Variants in HIPK1 observed in about 807,000 individuals in gnomAD.
HIPK1 encodes the protein homeodomain interacting protein kinase 1.
A neutral mutation model predicts 117.1 loss-of-function variants in HIPK1; 28 were observed. That is an observed-to-expected ratio of 0.24 (90% CI 0.18 to 0.33). The LOEUF (loss-of-function observed/expected upper bound fraction) is 0.33. Among genes scored for constraint, HIPK1 ranks in the 10% least tolerant of loss-of-function variants. The pLI is 1.00. For missense variants in HIPK1, 1,122 were observed against 1,475.1 expected (o/e 0.76, Z 3.92); for synonymous variants, 605 against 562.5 (o/e 1.08, Z -1.07).
intron 5 of HIPK1, among the ~76,000 whole-genome samples, chr1:113,956,136 G>A (rs528854518): frequency 2.7e-4 from 38 of 141,200 alleles, no homozygotes; most frequent in African/African-American, 8.5e-4. Flanking sequence ...GTGCAGTGGC[G>A]TAATCTCAGC....
At chr1:113,947,437 A>T (rs773501288) in intron 2 of HIPK1, among the ~76,000 whole-genome samples, 2 of 152,188 alleles carry the variant, frequency 1.3e-5, no homozygotes, top group Admixed American at 1.3e-4. Context: ...CAAATAATCT[A>T]ATTTCCTCTG....
rs1309895923 is a variant in HIPK1 at position 113,977,615 on chromosome 1, GAAAT to G, written c.*4105_*4108del. 5.2e-5 allele frequency: 8 copies of G among 152,566 alleles called. No homozygotes were observed. Among genetic ancestry groups the G allele is most frequent in the African/African-American group, 1.9e-4 (8 of 41,426 alleles). The allele number at this position is 152,566 out of a possible 1,614,324, so 9.5% of individuals were successfully genotyped here. A position where few individuals can be genotyped will look rare whatever the true frequency, so the allele number is the denominator to read the frequency against. Reference sequence around the variant, plus strand: ...ATGTAAAATAATCATTTTAACAAAAGAAATAGATATTTAAAATTTAATACTAACT... The same window carrying G: ...ATGTAAAATAATCATTTTAACAAAAGAGATATTTAAAATTTAATACTAACT... On this transcript the variant is annotated 3_prime_UTR_variant, in exon 16 of 16. Transcript: ENST00000426820.
chr1:113,929,375 C>A lies in HIPK1; in HGVS notation c.-160C>A, dbSNP rs1055592899. 2.3e-6 allele frequency: 3 copies of A among 1,289,394 alleles called. No homozygotes were observed. In the African/African-American group the frequency reaches 4.6e-5, roughly 20 times the overall value. 79.9% of individuals were successfully genotyped at this position (1,289,394 alleles called of 1,614,324 possible). On this transcript the variant is annotated 5_prime_UTR_variant, in exon 1 of 16. Transcript: ENST00000426820. ...ACCGCCAGGCACCTTTAAATCACCG[C>A]AGAGTCTGCAGTGCGGAGGGGGCGG...
chr1:113,972,253 G>A (rs563695067), intron 15 of HIPK1, among the ~76,000 whole-genome samples: 1 of 152,254 alleles, frequency 6.6e-6, no homozygotes, highest in Non-Finnish European at 1.5e-5. Context: ...GTCTGTGATA[G>A]GCATATGCTT....
intron 14 of HIPK1, among the ~76,000 whole-genome samples, chr1:113,970,626 C>T (rs759324720): frequency 6.6e-6 from 1 of 152,176 alleles, no homozygotes; most frequent in Non-Finnish European, 1.5e-5. Flanking sequence ...CACCCAGTGT[C>T]ATAGCAGTGA....
chr1:113,941,344 A>G lies in HIPK1; in HGVS notation c.961A>G (p.Ile321Val). ...LIHADLKPEN[I>V]MLVDPVRQPY... is the part of the protein sequence containing the mutation. ...CCACGCTGACCTTAAGCCTGAAAAC[A>G]TCATGCTGGTTGATCCAGTTCGCCA... is the stretch of plus-strand genomic sequence containing the variant. Residue 321 changes from isoleucine to valine, a missense_variant, in exon 2 of 16, where the codon ATC (isoleucine) becomes GTC (valine). Ile to Val is a conservative substitution (Grantham distance 29). Transcript: ENST00000426820. The surrounding 1 kb of genome is among the most constrained non-coding windows in gnomAD (Gnocchi z 4.9). The G allele has an allele frequency of 1.2e-6, 2 of 1,614,212 alleles. No individual in the cohort carries two copies. The highest frequency in any genetic ancestry group is 1.7e-6 in the Non-Finnish European group (2 of 1,180,034).
At chr1:113,951,936 T>G in intron 2 of HIPK1, among the ~76,000 whole-genome samples, 1 of 147,348 alleles carries the variant, frequency 6.8e-6, no homozygotes, top group Non-Finnish European at 1.5e-5. Flanking sequence ...GGTTATTTAT[T>G]GACCAGGGCT....
At chr1:113,955,959 T>C (rs961901183) in intron 5 of HIPK1, among the ~76,000 whole-genome samples, 3 of 152,134 alleles carry the variant, frequency 2.0e-5, no homozygotes, top group African/African-American at 4.8e-5. Flanking sequence ...TGAGCGCCTA[T>C]TATGTTACGA....
At chr1:113,968,044 T>G in intron 12 of HIPK1, 96 bp downstream of exon 12, 1 of 1,132,714 alleles carries the variant, frequency 8.8e-7, no homozygotes, top group Non-Finnish European at 1.3e-6. Flanking sequence ...AATATAGATA[T>G]GAAGCAGCAA....
At chr1:113,935,676 C>T (rs1422244616) in intron 1 of HIPK1, among the ~76,000 whole-genome samples, 1 of 152,176 alleles carries the variant, frequency 6.6e-6, no homozygotes, top group Non-Finnish European at 1.5e-5. Flanking sequence ...CACAACCTTG[C>T]CAGCATCTGT....
At chr1:113,955,086 A>G (rs1048643161) in intron 4 of HIPK1, among the ~76,000 whole-genome samples, 9 of 152,252 alleles carry the variant, frequency 5.9e-5, no homozygotes, top group African/African-American at 1.2e-4. Flanking sequence ...AGAATTCTCA[A>G]TGAACATGAT....
chr1:113,969,998 T>C lies in HIPK1; in HGVS notation c.2814T>C (p.Thr938=), dbSNP rs1373129572. Reference sequence around the variant, plus strand: ...GGTCTAATGTCATCAGTTATGTCACTGTCAATGATTCTCCAGACTCTGACT... The same window carrying C: ...GGTCTAATGTCATCAGTTATGTCACCGTCAATGATTCTCCAGACTCTGACT... The part of the protein sequence containing the change: ...KPRSNVISYV[T]VNDSPDSDSS... The change falls in exon 14 of 16, where the codon ACT becomes ACC. Residue 938 remains threonine, a synonymous_variant. Transcript: ENST00000426820. 2 of 1,614,152 alleles carry C rather than the reference T, an allele frequency of 1.2e-6. No individual in the cohort carries two copies. The highest frequency in any genetic ancestry group is 1.1e-5 in the South Asian group (1 of 91,090).
chr1:113,970,317 A>T (rs3811018), intron 14 of HIPK1, 120 bp downstream of exon 14: 709,190 of 1,002,546 alleles, frequency 0.71, 255,002 homozygotes, highest in African/African-American at 0.92. Context: ...TCTTAAAGAG[A>T]CCTTAATTCA....
rs765774107 is a variant in HIPK1, at chr1:113,940,427, C to T, written c.44C>T (p.Ser15Leu). Reference sequence around the variant, plus strand: ...GTGTTTTCGCCCCCATCAGTGTCGTCGAGTGCCTTCTGCAGTGCGAAGAAA... The same window carrying T: ...GTGTTTTCGCCCCCATCAGTGTCGTTGAGTGCCTTCTGCAGTGCGAAGAAA... ...LQVFSPPSVS[S>L]SAFCSAKKLK... Residue 15 changes from serine (S) to leucine (L), a missense_variant, in exon 2 of 16, where the codon TCG (serine) becomes TTG (leucine). Coordinates refer to ENST00000426820, the MANE Select transcript of HIPK1 (RefSeq NM_198268.3). The T allele has an allele frequency of 1.4e-5, 22 of 1,613,388 alleles. No homozygotes were observed. Among genetic ancestry groups the T allele is most frequent in the South Asian group, 1.2e-4 (11 of 91,036 alleles).
chr1:113,932,828 T>C (rs1173207505), intron 1 of HIPK1, among the ~76,000 whole-genome samples: 1 of 152,188 alleles, frequency 6.6e-6, no homozygotes, highest in Admixed American at 6.5e-5. Context: ...TTTTTCCACA[T>C]CCTTTGGCAT....
At chr1:113,967,704 G>C in intron 11 of HIPK1, 62 bp from the exon 12 acceptor site, 2 of 1,247,490 alleles carry the variant, frequency 1.6e-6, no homozygotes, top group Non-Finnish European at 2.2e-6. Flanking sequence ...TTTGATGTCT[G>C]TTTGGTCCTG....
At position 113,971,963 on chromosome 1, in the gene HIPK1, T is replaced by C. The variant is rs760653531; in HGVS notation, c.3144+9T>C. ...CACTCAATCTTAGCCAGGTAAGTGC[T>C]ATGGGCTACTGCCTTCTGTTTGGGC... On this transcript the variant is annotated intron_variant, in intron 15 of 15. Transcript: ENST00000426820. The C allele has an allele frequency of 6.2e-7, 1 of 1,612,650 alleles. No homozygotes were observed. Among genetic ancestry groups the C allele is most frequent in the South Asian group, 1.1e-5 (1 of 90,582 alleles).
intron 1 of HIPK1, among the ~76,000 whole-genome samples, chr1:113,938,878 C>G (rs1181935858): frequency 6.8e-6 from 1 of 147,500 alleles, no homozygotes; most frequent in Non-Finnish European, 1.5e-5. Flanking sequence ...CCATTGCACT[C>G]CAGCTTGGGC....
rs1312808167 is a variant in HIPK1 at position 113,941,376 on chromosome 1, C to T, written c.993C>T (p.Tyr331=). 3 of 1,614,190 alleles carry T rather than the reference C, an allele frequency of 1.9e-6. No homozygotes were observed. The African/African-American group carries it at 4.0e-5, about 22-fold the overall frequency. Residue 331 remains tyrosine, a synonymous_variant, in exon 2 of 16, where the codon TAC becomes TAT. Transcript: ENST00000426820. This position sits in a 1 kb window ranked among gnomAD's most constrained non-coding sequence, Gnocchi z 4.9. Reference sequence around the variant, plus strand: ...TGGTTGATCCAGTTCGCCAGCCCTACCGAGTGAAGGTCATTGACTTTGGTT... The same window carrying T: ...TGGTTGATCCAGTTCGCCAGCCCTATCGAGTGAAGGTCATTGACTTTGGTT... ...IMLVDPVRQP[Y]RVKVIDFGSA... is the part of the protein sequence containing the mutation.
Sources: gnomAD v4.1 joint callset for allele counts (sites outside exome capture counted in the v4.1 genomes callset) on GRCh38, gnomAD v4.1.1 for gene constraint, Gnocchi (gnomAD v3.1) non-coding constraint, MANE v1.5 for transcripts, NCBI Gene and HGNC (gene_info 2026-07-23, HGNC 2026-07-21) for gene names.